The following MTMR8 variants were observed in gnomAD, a reference collection of about 807,000 sequenced individuals.
The protein encoded by MTMR8 is phosphatidylinositol-3,5-bisphosphate 3-phosphatase MTMR8.
In MTMR8, 65 loss-of-function variants were observed where a neutral mutation model predicts 39.3. The ratio of observed to expected loss-of-function variants is 1.65; its 90% CI spans 1.35 to 2.03. The LOEUF is 2.03. Ranked by LOEUF, MTMR8 falls within the 30% of genes most tolerant of loss-of-function variation. MTMR8 has a pLI of 0.00. For missense variants in MTMR8, 777 were observed against 538.9 expected, an observed-to-expected ratio of 1.44 and a Z score of -4.37; for synonymous variants, 245 against 185.2, an observed-to-expected ratio of 1.32 and a Z score of -2.62.
At chrX:64,356,396 T>G (rs1371129751) in intron 2 of MTMR8, 58 bp from the exon 3 acceptor site, 4 of 1,047,248 alleles carry the variant, frequency 3.8e-6, no homozygotes, top group Non-Finnish European at 5.2e-6. Context: ...TCTATCACTA[T>G]CAGTATTCCT....
intron 12 of MTMR8, among the ~76,000 whole-genome samples, chrX:64,324,680 G>A (rs993223093): frequency 1.6e-4 from 17 of 109,441 alleles, no homozygotes; most frequent in African/African-American, 5.3e-4. Flanking sequence ...GCAGGACCCT[G>A]TCTCAAAAAA....
intron 12 of MTMR8, among the ~76,000 whole-genome samples, chrX:64,324,843 G>T (rs1922748608): frequency 1.1e-5 from 1 of 91,924 alleles, no homozygotes; most frequent in Non-Finnish European, 2.0e-5. Context: ...AAAAAAGAGA[G>T]GTTTAAAATA....
chrX:64,273,852 G>A (rs754890542), intron 12 of MTMR8, among the ~76,000 whole-genome samples: 5 of 111,417 alleles, frequency 4.5e-5, no homozygotes, highest in South Asian at 3.7e-4. Context: ...AAAATGTCAC[G>A]GAGACAATGA....
intron 10 of MTMR8, among the ~76,000 whole-genome samples, chrX:64,332,806 C>A (rs952092342): frequency 4.5e-5 from 5 of 111,640 alleles, no homozygotes; most frequent in African/African-American, 1.3e-4. Flanking sequence ...CCTTTTGAAT[C>A]CACTGGCCAC....
At chrX:64,272,829 T>A (rs1294719106) in intron 12 of MTMR8, among the ~76,000 whole-genome samples, 2 of 111,197 alleles carry the variant, frequency 1.8e-5, no homozygotes, top group African/African-American at 6.5e-5. Context: ...TCAGCAGACA[T>A]CTCAGCAAAA....
At position 64,360,770 on chromosome X, in the gene MTMR8, A is replaced by C. The variant is rs1029579068; in HGVS notation, c.25-1243T>G. On this transcript the variant is annotated intron_variant, in intron 1 of 13. Coordinates refer to ENST00000374852, the MANE Select transcript of MTMR8 (RefSeq NM_017677.4). ...AACGATAATAAAAACACAACAAATA[A>C]AAATTTGAAGGACAGAGTTAAACAA... Among the ~76,000 whole-genome samples the C allele has an allele frequency of 3.6e-5, 4 of 112,109 alleles. No homozygotes were observed. In the Admixed American group the frequency reaches 3.8e-4, roughly 11 times the overall value.
At chrX:64,318,154 G>A (rs1375028633) in intron 12 of MTMR8, among the ~76,000 whole-genome samples, 2 of 112,003 alleles carry the variant, frequency 1.8e-5, no homozygotes, top group African/African-American at 6.5e-5. Context: ...GGTCTCCACT[G>A]ACACCTCAGG....
chrX:64,320,078 G>A (rs373317754), intron 12 of MTMR8, among the ~76,000 whole-genome samples: 8 of 110,812 alleles, frequency 7.2e-5, no homozygotes, highest in Admixed American at 4.8e-4. Context: ...CTTTTATTTC[G>A]TTGAGCAGTG....
intron 1 of MTMR8, among the ~76,000 whole-genome samples, chrX:64,361,099 T>A (rs1339081738): frequency 9.0e-6 from 1 of 111,341 alleles, no homozygotes; most frequent in Non-Finnish European, 1.9e-5. Context: ...ATATAAAAAA[T>A]TAAAACTATC....
At chrX:64,361,157 C>A (rs185452693) in intron 1 of MTMR8, among the ~76,000 whole-genome samples, 1,624 of 111,609 alleles carry the variant, frequency 0.015, 36 homozygotes, top group African/African-American at 0.048. Context: ...CTTATAAGAA[C>A]TGTTTTTAAA....
chrX:64,269,132 C>T (rs752649095), intron 13 of MTMR8, 89 bp from the exon 14 acceptor site: 16 of 960,406 alleles, frequency 1.7e-5, no homozygotes, highest in Non-Finnish European at 2.0e-5. Context: ...GATCCTATTG[C>T]TGTCACTTAT....
chrX:64,288,048 A>AAAAAAAAAAAAC, intron 12 of MTMR8, among the ~76,000 whole-genome samples: 1 of 89,493 alleles, frequency 1.1e-5, no homozygotes, highest in East Asian at 3.4e-4. Context: ...AAAAAAAAAA[A>AAAAAAAAAAAAC]ACTACCATAA....
intron 1 of MTMR8, among the ~76,000 whole-genome samples, chrX:64,385,433 T>C (rs867852229): frequency 8.0e-5 from 9 of 112,167 alleles, no homozygotes; most frequent in South Asian, 7.5e-4. Context: ...CAGGTATCTT[T>C]ATAGTAATGC....
intron 1 of MTMR8, among the ~76,000 whole-genome samples, chrX:64,393,943 T>C (rs1289087190): frequency 8.9e-6 from 1 of 112,368 alleles, no homozygotes; most frequent in Non-Finnish European, 1.9e-5. Flanking sequence ...GCAAATTTCA[T>C]TATCCTCATT....
chrX:64,298,767 T>C (rs1342348087), intron 12 of MTMR8, among the ~76,000 whole-genome samples: 19 of 58,663 alleles, frequency 3.2e-4, no homozygotes, highest in African/African-American at 7.0e-4. Flanking sequence ...ATACCTAATT[T>C]ATTGAGAGTT....
chrX:64,381,516 A>G (rs746652581), intron 1 of MTMR8, among the ~76,000 whole-genome samples: 1 of 103,033 alleles, frequency 9.7e-6, no homozygotes, highest in Non-Finnish European at 2.0e-5. Flanking sequence ...CTTTTGTCAG[A>G]TGGGTAGATT....
At chrX:64,391,203 C>G (rs187985425) in intron 1 of MTMR8, among the ~76,000 whole-genome samples, 2 of 112,377 alleles carry the variant, frequency 1.8e-5, no homozygotes, top group East Asian at 5.6e-4. Context: ...AAGTCCTTTA[C>G]AATCTATAAA....
intron 1 of MTMR8, among the ~76,000 whole-genome samples, chrX:64,383,534 G>A (rs766016990): frequency 9.1e-6 from 1 of 109,692 alleles, no homozygotes; most frequent in East Asian, 2.9e-4. Context: ...ATGTTGGCAT[G>A]TACTCAGCTA....
chrX:64,285,578 A>G (rs1417236934), intron 12 of MTMR8, among the ~76,000 whole-genome samples: 1 of 111,737 alleles, frequency 8.9e-6, no homozygotes, highest in Non-Finnish European at 1.9e-5. Context: ...TGGAAGTAAA[A>G]CACTCCTCAG....
Sources: gnomAD v4.1 joint callset for allele counts (sites outside exome capture counted in the v4.1 genomes callset) on GRCh38, gnomAD v4.1.1 for gene constraint, MANE v1.5 for transcripts, NCBI Gene and HGNC (gene_info 2026-07-23, HGNC 2026-07-21) for gene names.